PKIB: variants seen among roughly 807,000 people sequenced by gnomAD.
The protein encoded by PKIB is PKI-beta.
Under a neutral mutation model 4.5 loss-of-function variants are expected in PKIB, and 2 were observed. The observed-to-expected ratio is 0.44, with a 90% CI of 0.18 to 1.39. PKIB has a LOEUF of 1.39. Among genes scored for constraint, PKIB ranks in the 40% most tolerant of loss-of-function variants. The pLI, the probability that PKIB is intolerant of heterozygous loss-of-function variation, is 0.27. For synonymous variants in PKIB, 38 were observed against 36.0 expected (o/e 1.06, Z -0.20); for missense variants, 94 against 92.6 (o/e 1.02, Z -0.06).
At chr6:122,640,299 G>A (rs1776074434) in intron 2 of PKIB, among the ~76,000 whole-genome samples, 1 of 152,084 alleles carries the variant, frequency 6.6e-6, no homozygotes, top group African/African-American at 2.4e-5. Context: ...AAAACAAAAT[G>A]TTTCTAAAAT....
At chr6:122,671,357 A>G (rs796430116) in intron 2 of PKIB, among the ~76,000 whole-genome samples, 3 of 149,510 alleles carry the variant, frequency 2.0e-5, no homozygotes, top group African/African-American at 7.3e-5. Flanking sequence ...ACATTGTAAA[A>G]TAGTTCAAAT....
At chr6:122,485,742 A>G (rs1775748747) in intron 2 of PKIB, among the ~76,000 whole-genome samples, 1 of 152,256 alleles carries the variant, frequency 6.6e-6, no homozygotes, top group South Asian at 2.1e-4. Flanking sequence ...GGCAGAAATC[A>G]TTAGCAGTCG....
chr6:122,724,938 T>C (rs1392931603), intron 4 of PKIB, among the ~76,000 whole-genome samples, 190 bp from the exon 5 acceptor site: 1 of 152,112 alleles, frequency 6.6e-6, no homozygotes, highest in Non-Finnish European at 1.5e-5. Flanking sequence ...CTCTGTAGAA[T>C]AGGAGAAAGT....
At chr6:122,598,082 C>A (rs974303400) in intron 3 of PKIB, among the ~76,000 whole-genome samples, 3 of 152,174 alleles carry the variant, frequency 2.0e-5, no homozygotes, top group African/African-American at 7.2e-5. Context: ...AGATTCACTG[C>A]ATAAATTGTT....
intron 2 of PKIB, among the ~76,000 whole-genome samples, chr6:122,640,142 A>G (rs1390975811): frequency 2.0e-5 from 3 of 152,160 alleles, no homozygotes; most frequent in Admixed American, 1.3e-4. Flanking sequence ...AATGGTTGCT[A>G]TATAGTGGAC....
chr6:122,699,704 G>A (rs4483023), intron 3 of PKIB, among the ~76,000 whole-genome samples: 150,543 of 152,274 alleles, frequency 0.99, 74,436 homozygotes, highest in Middle Eastern at 1. Context: ...CAGAAGAGTC[G>A]GGAGTTTCCA....
intron 1 of PKIB, among the ~76,000 whole-genome samples, chr6:122,629,976 T>C (rs1775627987): frequency 6.6e-6 from 1 of 152,142 alleles, no homozygotes; most frequent in Admixed American, 6.5e-5. Flanking sequence ...TAGTTGACAA[T>C]AGCATATCAA....
chr6:122,719,024 A>T (rs1319331004), intron 4 of PKIB, among the ~76,000 whole-genome samples: 1 of 152,194 alleles, frequency 6.6e-6, no homozygotes, highest in African/African-American at 2.4e-5. Context: ...GAAAGAAATA[A>T]ACATATATGT....
At chr6:122,580,849 A>G (rs545607575) in intron 2 of PKIB, among the ~76,000 whole-genome samples, 15 of 152,162 alleles carry the variant, frequency 9.9e-5, no homozygotes, top group Non-Finnish European at 7.4e-5. Flanking sequence ...TGCACTGAAT[A>G]CCTTGTCTGA....
At chr6:122,665,781 T>C (rs1008538965) in intron 2 of PKIB, among the ~76,000 whole-genome samples, 1 of 152,198 alleles carries the variant, frequency 6.6e-6, no homozygotes, top group Non-Finnish European at 1.5e-5. Context: ...TAGAGGTAAT[T>C]GTTTTTTGAT....
At chr6:122,625,024 A>T (rs1020574551) in intron 1 of PKIB, among the ~76,000 whole-genome samples, 7 of 152,218 alleles carry the variant, frequency 4.6e-5, no homozygotes, top group Non-Finnish European at 1.0e-4. Flanking sequence ...AAGTTTGTCA[A>T]CATTTTTAAG....
At chr6:122,498,135 GC>G (rs1776127698) in intron 2 of PKIB, among the ~76,000 whole-genome samples, 1 of 152,180 alleles carries the variant, frequency 6.6e-6, no homozygotes, top group South Asian at 2.1e-4. Context: ...TTTTTATGCT[GC>G]TGATAAAGAC....
intron 3 of PKIB, among the ~76,000 whole-genome samples, chr6:122,691,010 A>C: frequency 7.0e-6 from 1 of 143,450 alleles, no homozygotes; most frequent in Non-Finnish European, 1.5e-5. Flanking sequence ...ATGGCATGCC[A>C]CTCTCTCCCG....
At chr6:122,651,737 G>A (rs560171603) in intron 2 of PKIB, among the ~76,000 whole-genome samples, 3 of 152,272 alleles carry the variant, frequency 2.0e-5, no homozygotes, top group African/African-American at 4.8e-5. Context: ...TAGGAGATAA[G>A]GATTTGCTTT....
At chr6:122,630,408 G>T (rs1407657828) in intron 1 of PKIB, among the ~76,000 whole-genome samples, 1 of 152,070 alleles carries the variant, frequency 6.6e-6, no homozygotes, top group Non-Finnish European at 1.5e-5. Context: ...TAAACTTTGA[G>T]AACATTATGC....
intron 1 of PKIB, among the ~76,000 whole-genome samples, chr6:122,613,692 G>A (rs549019329): frequency 2.0e-5 from 3 of 152,028 alleles, no homozygotes; most frequent in East Asian, 1.9e-4. Context: ...TTGGCCCTGC[G>A]TGGTGGCTCA....
chr6:122,725,105 A>G, intron 4 of PKIB, 23 bp from the exon 5 acceptor site: 1 of 1,551,872 alleles, frequency 6.4e-7, no homozygotes, highest in Non-Finnish European at 8.8e-7. Flanking sequence ...TATTCCACAT[A>G]TGAATGGAAA....
At chr6:122,621,564 A>G (rs1381777038) in intron 1 of PKIB, among the ~76,000 whole-genome samples, 1 of 152,246 alleles carries the variant, frequency 6.6e-6, no homozygotes, top group Non-Finnish European at 1.5e-5. Flanking sequence ...ATCTTGAAAG[A>G]TAACCACTAG....
intron 2 of PKIB, among the ~76,000 whole-genome samples, chr6:122,559,348 G>C (rs1295434741): frequency 6.6e-6 from 1 of 151,766 alleles, no homozygotes; most frequent in Non-Finnish European, 1.5e-5. Context: ...TCAAAGAACA[G>C]TTGGCTGTAT....
Sources: allele counts gnomAD v4.1 joint callset (sites outside exome capture counted in the v4.1 genomes callset), GRCh38; gene constraint gnomAD v4.1.1; transcripts MANE v1.5; gene names NCBI Gene and HGNC (gene_info 2026-07-23, HGNC 2026-07-21).